Variants in CDKAL1 observed in about 807,000 individuals in gnomAD.
The protein encoded by CDKAL1 is threonylcarbamoyladenosine tRNA methylthiotransferase.
Under a neutral mutation model 68.2 loss-of-function variants are expected in CDKAL1, and 32 were observed. The observed-to-expected ratio is 0.47, with a 90% CI of 0.35 to 0.63. The LOEUF (loss-of-function observed/expected upper bound fraction) is 0.63. CDKAL1 is among the 30% of genes least tolerant of loss of function. The pLI is 0.00. For missense variants in CDKAL1, 606 were observed against 696.7 expected (o/e 0.87, Z 1.47); for synonymous variants, 234 against 244.3 (o/e 0.96, Z 0.39).
intron 10 of CDKAL1, among the ~76,000 whole-genome samples, chr6:20,984,264 C>A (rs1275287928): frequency 6.6e-6 from 1 of 152,194 alleles, no homozygotes; most frequent in Non-Finnish European, 1.5e-5. Flanking sequence ...ACTTCAGTGT[C>A]AGCAGGGGCA....
chr6:20,762,483 A>T (rs938527938), intron 7 of CDKAL1, among the ~76,000 whole-genome samples: 1 of 152,162 alleles, frequency 6.6e-6, no homozygotes, highest in African/African-American at 2.4e-5. Flanking sequence ...CTCTTAGTTA[A>T]TAGAGAACTG....
intron 9 of CDKAL1, among the ~76,000 whole-genome samples, chr6:20,874,095 G>A (rs1204303198): frequency 6.6e-6 from 1 of 152,068 alleles, no homozygotes; most frequent in Non-Finnish European, 1.5e-5. Context: ...GGATATAGAA[G>A]TAAATAATTG....
intron 13 of CDKAL1, among the ~76,000 whole-genome samples, chr6:21,158,574 C>G (rs921389612): frequency 6.6e-6 from 1 of 152,196 alleles, no homozygotes; most frequent in African/African-American, 2.4e-5. Flanking sequence ...CCCACCATTT[C>G]ACTCCCTGGA....
intron 13 of CDKAL1, among the ~76,000 whole-genome samples, chr6:21,109,551 A>G (rs1193613975): frequency 6.6e-6 from 1 of 152,226 alleles, no homozygotes; most frequent in Non-Finnish European, 1.5e-5. Context: ...TCATGTGACC[A>G]TGGTGATATG....
intron 9 of CDKAL1, among the ~76,000 whole-genome samples, chr6:20,847,202 C>T (rs769600656): frequency 5.9e-5 from 9 of 152,152 alleles, no homozygotes; most frequent in Non-Finnish European, 1.0e-4. Context: ...CTTTCACATT[C>T]AACTAGTATT....
intron 12 of CDKAL1, among the ~76,000 whole-genome samples, chr6:21,106,648 A>G (rs1773856945): frequency 6.6e-6 from 1 of 152,214 alleles, no homozygotes; most frequent in Non-Finnish European, 1.5e-5. Context: ...TTTACATAGT[A>G]TTTATATTGT....
chr6:21,179,004 T>G (rs1418541858), intron 13 of CDKAL1, among the ~76,000 whole-genome samples: 2 of 152,234 alleles, frequency 1.3e-5, no homozygotes, highest in Non-Finnish European at 2.9e-5. Context: ...TGATGGACAG[T>G]GAGGTTAGTT....
intron 5 of CDKAL1, among the ~76,000 whole-genome samples, chr6:20,676,584 A>C (rs1770112580): frequency 6.6e-6 from 1 of 151,856 alleles, no homozygotes; most frequent in Non-Finnish European, 1.5e-5. Context: ...GGAGAATGGT[A>C]TGAACCCGGG....
rs568357318 is a variant in CDKAL1, at chr6:20,599,431, A to G, written c.287-49862A>G. On this transcript the variant is annotated intron_variant, in intron 4 of 15. Coordinates refer to ENST00000274695, the MANE Select transcript of CDKAL1 (RefSeq NM_017774.3). ...AGTAGAAAGTTCCTGGAGAAGACCT[A>G]CTCTTTCTGGAACTGTTTTTGTTTG... 6.8e-6 allele frequency: 3 copies of G among 439,916 alleles called. No individual in the cohort carries two copies. In the Admixed American group the frequency reaches 7.4e-5, roughly 11 times the overall value. The allele number at this position is 439,916 out of a possible 1,614,324, so 27.3% of individuals were successfully genotyped here.
chr6:21,068,360 C>G (rs903475393), intron 12 of CDKAL1, among the ~76,000 whole-genome samples: 1 of 152,108 alleles, frequency 6.6e-6, no homozygotes, highest in South Asian at 2.1e-4. Flanking sequence ...TTTAAATCTG[C>G]AGTCCAATTG....
intron 10 of CDKAL1, among the ~76,000 whole-genome samples, chr6:20,994,297 G>T (rs1469178591): frequency 1.3e-5 from 2 of 152,230 alleles, no homozygotes; most frequent in South Asian, 4.2e-4. Flanking sequence ...TGGCCGATAT[G>T]GTGAAACCCA....
intron 11 of CDKAL1, among the ~76,000 whole-genome samples, chr6:21,054,440 T>C (rs1770719788): frequency 6.6e-6 from 1 of 152,188 alleles, no homozygotes; most frequent in Admixed American, 6.5e-5. Flanking sequence ...TTCAAGTCAT[T>C]TGTATTTCCG....
chr6:21,092,111 C>T (rs1487716838), intron 12 of CDKAL1, among the ~76,000 whole-genome samples: 2 of 150,648 alleles, frequency 1.3e-5, no homozygotes, highest in Non-Finnish European at 3.0e-5. Flanking sequence ...TGGTCTCGAT[C>T]TCCTGACCTC....
At chr6:20,911,152 A>AC (rs1350323712) in intron 9 of CDKAL1, among the ~76,000 whole-genome samples, 5 of 152,232 alleles carry the variant, frequency 3.3e-5, no homozygotes, top group Admixed American at 6.5e-5. Context: ...GGAGTATCTA[A>AC]TTTGATATTT....
intron 8 of CDKAL1, among the ~76,000 whole-genome samples, chr6:20,827,288 C>A (rs1786820017): frequency 1.3e-5 from 2 of 152,094 alleles, no homozygotes; most frequent in Non-Finnish European, 2.9e-5. Context: ...AATAGTAGTA[C>A]CTACCACATG....
At chr6:20,723,972 G>T (rs954693277) in intron 5 of CDKAL1, among the ~76,000 whole-genome samples, 1 of 152,226 alleles carries the variant, frequency 6.6e-6, no homozygotes, top group African/African-American at 2.4e-5. Context: ...TTACTCTGTC[G>T]CTCAGGCTGG....
intron 9 of CDKAL1, among the ~76,000 whole-genome samples, chr6:20,901,704 G>GAAAAT (rs1761986889): frequency 8.9e-6 from 1 of 112,784 alleles, no homozygotes; most frequent in East Asian, 2.7e-4. Flanking sequence ...AAAAAAAAAA[G>GAAAAT]AAAAGAAACA....
intron 15 of CDKAL1, among the ~76,000 whole-genome samples, chr6:21,225,190 C>T (rs1480171041): frequency 3.3e-5 from 5 of 152,086 alleles, no homozygotes; most frequent in South Asian, 2.1e-4. Flanking sequence ...CAGGCCCACA[C>T]GGGGTGGGCA....
intron 4 of CDKAL1, among the ~76,000 whole-genome samples, chr6:20,605,047 A>G (rs1353268245): frequency 1.3e-5 from 2 of 151,026 alleles, no homozygotes; most frequent in Non-Finnish European, 3.0e-5. Context: ...CTACTGAGCA[A>G]ATACTCAGAA....
Sources: allele counts gnomAD v4.1 joint callset (sites outside exome capture counted in the v4.1 genomes callset), GRCh38; gene constraint gnomAD v4.1.1; transcripts MANE v1.5; gene names NCBI Gene and HGNC (gene_info 2026-07-23, HGNC 2026-07-21).